The following TMEM269 variants were observed in gnomAD, a reference collection of about 807,000 sequenced individuals.
The protein encoded by TMEM269 is transmembrane protein 269.
A neutral mutation model predicts 15.8 loss-of-function variants in TMEM269; 12 were observed. The ratio of observed to expected loss-of-function variants is 0.76; its 90% CI spans 0.49 to 1.23. The LOEUF is 1.23. TMEM269 is among the 50% of genes most tolerant of loss of function. TMEM269 has a pLI of 0.00. For missense variants in TMEM269, 211 were observed against 245.4 expected (o/e 0.86, Z 0.94); for synonymous variants, 93 against 99.3 (o/e 0.94, Z 0.38).
intron 2 of TMEM269, among the ~76,000 whole-genome samples, chr1:42,790,956 C>T (rs1653674447): frequency 1.3e-5 from 2 of 152,082 alleles, no homozygotes; most frequent in Non-Finnish European, 2.9e-5. Flanking sequence ...TGAGAATGGG[C>T]CTCTCAGGGC....
chr1:42,797,806 G>T lies in TMEM269; in HGVS notation c.485-292G>T. The T allele has an allele frequency of 1.8e-6, 1 of 561,220 alleles. No individual in the cohort carries two copies. The highest frequency in any genetic ancestry group is 3.5e-6 in the Non-Finnish European group (1 of 287,114). 34.8% of individuals were successfully genotyped at this position (561,220 alleles called of 1,614,324 possible). A position where few individuals can be genotyped will look rare whatever the true frequency, so the allele number is the denominator to read the frequency against. ...AACAAGGGTTTTTGGTTTTTGTCTT[G>T]GTTTGTTTTGTTTTCCCTAACAAAG... is the stretch of plus-strand genomic sequence containing the variant. On this transcript the variant is annotated intron_variant, in intron 5 of 5. Coordinates refer to ENST00000637012, the MANE Select transcript of TMEM269 (RefSeq NM_001354602.2). The surrounding 1 kb of genome is among the most constrained non-coding windows in gnomAD (Gnocchi z 4.9).
intron 1 of TMEM269, among the ~76,000 whole-genome samples, chr1:42,787,715 AAG>A (rs949746370): frequency 1.2e-4 from 18 of 152,272 alleles, no homozygotes; most frequent in African/African-American, 3.6e-4. Flanking sequence ...GAGATAATGA[AAG>A]AGATAATATA....
rs1272445935 is a variant in TMEM269, at chr1:42,798,594, G to C, written c.*369G>C. 1 of 206,786 alleles carries C rather than the reference G, an allele frequency of 4.8e-6. No individual in the cohort carries two copies. Among genetic ancestry groups the C allele is most frequent in the Non-Finnish European group, 1.0e-5 (1 of 100,386 alleles). 12.8% of individuals were successfully genotyped at this position (206,786 alleles called of 1,614,324 possible). On this transcript the variant is annotated 3_prime_UTR_variant, in exon 6 of 6. Coordinates refer to ENST00000637012, the MANE Select transcript of TMEM269 (RefSeq NM_001354602.2). ...GCCTTCAGAACTGGTATTGGCCTCA[G>C]CCTCAGCCCTGCCTGGTGGGGCTTC...
chr1:42,791,676 A>G (rs1277821717), intron 2 of TMEM269, among the ~76,000 whole-genome samples: 1 of 152,248 alleles, frequency 6.6e-6, no homozygotes, highest in Non-Finnish European at 1.5e-5. Flanking sequence ...TAAGAAAAGC[A>G]AACTAAATCC....
At chr1:42,793,895 G>A (rs1218553005) in intron 4 of TMEM269, among the ~76,000 whole-genome samples, 151 bp downstream of exon 4, 3 of 152,220 alleles carry the variant, frequency 2.0e-5, no homozygotes, top group African/African-American at 7.2e-5. Context: ...CATGCCCACT[G>A]AAGGCTGCAG....
chr1:42,787,165 C>G (rs746337232), intron 1 of TMEM269, among the ~76,000 whole-genome samples: 23 of 152,222 alleles, frequency 1.5e-4, no homozygotes, highest in Non-Finnish European at 2.9e-5. Context: ...GTTCAGTCCT[C>G]TTGGTTGGTA....
intron 1 of TMEM269, among the ~76,000 whole-genome samples, chr1:42,787,428 G>A (rs1462425422): frequency 6.6e-6 from 1 of 151,084 alleles, no homozygotes. Flanking sequence ...GTGAAACCCC[G>A]TCTCTACTAA....
At chr1:42,785,837 C>A (rs953049599) in intron 1 of TMEM269, among the ~76,000 whole-genome samples, 3 of 152,222 alleles carry the variant, frequency 2.0e-5, no homozygotes, top group Non-Finnish European at 2.9e-5. Flanking sequence ...GTGGAACCTT[C>A]CCCTGCCCCA....
chr1:42,785,127 CGGGTGCTGTCG>C (rs1282452249), intron 1 of TMEM269, 45 bp downstream of exon 1: 1 of 152,324 alleles, frequency 6.6e-6, no homozygotes, highest in Non-Finnish European at 1.5e-5. Context: ...GGGCGCTGCC[CGGGTGCTGTCG>C]GCGACCAGCC....
intron 2 of TMEM269, among the ~76,000 whole-genome samples, chr1:42,790,653 A>C (rs1231357164): frequency 6.6e-6 from 1 of 151,040 alleles, no homozygotes; most frequent in Non-Finnish European, 1.5e-5. Flanking sequence ...GGCTGGTCTC[A>C]AACACCTGGG....
At chr1:42,794,642 T>G (rs537376040) in intron 5 of TMEM269, 29 bp downstream of exon 5, 1 of 1,489,684 alleles carries the variant, frequency 6.7e-7, no homozygotes, top group Admixed American at 2.0e-5. Flanking sequence ...ATGGCCAGTT[T>G]GTTATCACAG....
At chr1:42,792,946 T>C (rs1264390355) in intron 3 of TMEM269, 44 bp downstream of exon 3, 2 of 1,457,982 alleles carry the variant, frequency 1.4e-6, no homozygotes, top group Admixed American at 3.9e-5. Flanking sequence ...CCCAGTAGCA[T>C]CCATCTGGGG....
intron 2 of TMEM269, among the ~76,000 whole-genome samples, 153 bp from the exon 3 acceptor site, chr1:42,792,651 TG>T (rs1217082168): frequency 6.6e-6 from 1 of 151,970 alleles, no homozygotes; most frequent in Non-Finnish European, 1.5e-5. Context: ...GATGTGAGTG[TG>T]GGGGACATGA....
rs1653589391 is a variant in TMEM269 at position 42,788,607 on chromosome 1, A to T, written c.-98-1189A>T. 6.6e-6 allele frequency among the ~76,000 whole-genome samples: 1 copy of T among 152,192 alleles called. No homozygotes were observed. The highest frequency in any genetic ancestry group is 6.6e-5 in the Admixed American group (1 of 15,264). ...GGGGGCCTGGGCTGGACGGTCCCAC[A>T]CACACAGGGAGGCTGCTGCTGCCTC... On this transcript the variant is annotated intron_variant, in intron 1 of 5. Coordinates refer to ENST00000637012, the MANE Select transcript of TMEM269 (RefSeq NM_001354602.2). This position sits in a 1 kb window ranked among gnomAD's most constrained non-coding sequence, Gnocchi z 4.0.
At chr1:42,789,624 T>G (rs977512931) in intron 1 of TMEM269, 172 bp from the exon 2 acceptor site, 2 of 969,822 alleles carry the variant, frequency 2.1e-6, no homozygotes, top group African/African-American at 1.6e-5. Context: ...CACCTTTGTC[T>G]TCACCTCCTG....
At chr1:42,789,725 C>CAGGT (rs1213008857) in intron 1 of TMEM269, 71 bp from the exon 2 acceptor site, 2 of 902,112 alleles carry the variant, frequency 2.2e-6, no homozygotes, top group Non-Finnish European at 1.8e-6. Context: ...TCTAGTGGAA[C>CAGGT]AGGTCCCTGG....
intron 1 of TMEM269, chr1:42,789,552 A>T: frequency 6.7e-7 from 1 of 1,488,384 alleles, no homozygotes; most frequent in Non-Finnish European, 9.1e-7. Flanking sequence ...GGGAGTGGAA[A>T]CTATGCTTGT....
In TMEM269 at chr1:42,798,432, G is replaced by T. The variant is rs1296775023; in HGVS notation, c.*207G>T. The T allele has an allele frequency of 1.5e-5, 9 of 606,834 alleles. No individual in the cohort carries two copies. Among genetic ancestry groups the T allele is most frequent in the Admixed American group, 6.0e-5 (2 of 33,192 alleles). 37.6% of individuals were successfully genotyped at this position (606,834 alleles called of 1,614,324 possible). A position where few individuals can be genotyped will look rare whatever the true frequency, so the allele number is the denominator to read the frequency against. On this transcript the variant is annotated 3_prime_UTR_variant, in exon 6 of 6. Transcript: ENST00000637012. The stretch of plus-strand genomic sequence containing the variant: ...TATTCAGGGTTCTGACTCCCTTGCG[G>T]ACAATACTTGTTTATGTCATGTAGA...
At chr1:42,793,784 G>T (rs754744713) in intron 4 of TMEM269, 40 bp downstream of exon 4, 56 of 1,540,932 alleles carry the variant, frequency 3.6e-5, no homozygotes, top group Admixed American at 1.0e-4. Flanking sequence ...GAGGGCAGGG[G>T]AGCACAGAAC....
Sources: gnomAD v4.1 joint callset for allele counts (sites outside exome capture counted in the v4.1 genomes callset) on GRCh38, gnomAD v4.1.1 for gene constraint, Gnocchi (gnomAD v3.1) non-coding constraint, MANE v1.5 for transcripts, NCBI Gene and HGNC (gene_info 2026-07-23, HGNC 2026-07-21) for gene names.